Variants in CELSR3 observed in about 807,000 individuals in gnomAD.
The protein encoded by CELSR3 is EGF-like protein 1.
Under a neutral mutation model 270.0 loss-of-function variants are expected in CELSR3, and 73 were observed. The ratio of observed to expected loss-of-function variants is 0.27; its 90% CI spans 0.22 to 0.33. The LOEUF is 0.33. Ranked by LOEUF, CELSR3 falls within the 10% of genes least tolerant of loss-of-function variation. The pLI, the probability that CELSR3 is intolerant of heterozygous loss-of-function variation, is 1.00. For missense variants in CELSR3, 3,614 were observed against 4,533.8 expected, an observed-to-expected ratio of 0.80 and a Z score of 5.83; for synonymous variants, 1,780 against 1,905.4, an observed-to-expected ratio of 0.93 and a Z score of 1.71.
In CELSR3 at chr3:48,653,703, G is replaced by A. The variant is rs2106714338; in HGVS notation, c.5364C>T (p.Tyr1788=). ...GSDMAVSVPW[Y]LGLAFRTRAT... is the part of the protein sequence containing the mutation. Reference sequence around the variant, plus strand: ...CCCGTGTCCGAAATGCCAGCCCCAGGTACCATGGCACAGACACAGCCATGT... The same window carrying A: ...CCCGTGTCCGAAATGCCAGCCCCAGATACCATGGCACAGACACAGCCATGT... The change falls in exon 9 of 35, where the codon TAC becomes TAT. Residue 1788 remains tyrosine (Y), a synonymous_variant. Coordinates refer to ENST00000164024, the MANE Select transcript of CELSR3 (RefSeq NM_001407.3). The surrounding 1 kb of genome is among the most constrained non-coding windows in gnomAD (Gnocchi z 6.5). The A allele has an allele frequency of 6.2e-7, 1 of 1,614,182 alleles. No individual in the cohort carries two copies. The highest frequency in any genetic ancestry group is 1.1e-5 in the South Asian group (1 of 91,090).
At chr3:48,649,292 A>G in intron 16 of CELSR3, 77 bp from the exon 17 acceptor site, 4 of 1,138,602 alleles carry the variant, frequency 3.5e-6, no homozygotes, top group South Asian at 1.3e-5. Context: ...ACCCTCTCCT[A>G]TGCTGGGGGA....
In CELSR3 at chr3:48,659,979, C is replaced by T; in HGVS notation, c.2656G>A (p.Asp886Asn). 1 of 1,614,158 alleles carries T rather than the reference C, an allele frequency of 6.2e-7. No individual in the cohort carries two copies. The highest frequency in any genetic ancestry group is 8.5e-7 in the Non-Finnish European group (1 of 1,180,030). Residue 886 changes from aspartate (D) to asparagine (N), a missense_variant, in exon 1 of 35, where the codon GAC becomes AAC. Transcript: ENST00000164024. This position sits in a 1 kb window ranked among gnomAD's most constrained non-coding sequence, Gnocchi z 8.1. ...GTGATACGAGCATTCTCACCCACGT[C>T]ATCATCAGAGGCACTGATGACCACT... ...TIVVISASDD[D>N]VGENARITYL... is the part of the protein sequence containing the mutation.
chr3:48,646,702 A>T lies in CELSR3; in HGVS notation c.7295+61T>A, dbSNP rs2047087566. On this transcript the variant is annotated intron_variant, in intron 21 of 34. Coordinates refer to ENST00000164024, the MANE Select transcript of CELSR3 (RefSeq NM_001407.3). This position sits in a 1 kb window ranked among gnomAD's most constrained non-coding sequence, Gnocchi z 4.8. ...TTGTGAACCTACGCATCTACCCACC[A>T]AAAAAGGGGCTGCCAGGCTGAGAAG... is the stretch of plus-strand genomic sequence containing the variant. 1 of 1,540,466 alleles carries T rather than the reference A, an allele frequency of 6.5e-7. No individual in the cohort carries two copies. The highest frequency in any genetic ancestry group is 8.8e-7 in the Non-Finnish European group (1 of 1,140,986).
At position 48,661,495 on chromosome 3, in the gene CELSR3, C is replaced by G; in HGVS notation, c.1140G>C (p.Pro380=). 1 of 1,602,216 alleles carries G rather than the reference C, an allele frequency of 6.2e-7. No homozygotes were observed. Among genetic ancestry groups the G allele is most frequent in the Non-Finnish European group, 8.5e-7 (1 of 1,174,322 alleles). The change falls in exon 1 of 35, where the codon CCG becomes CCC. Residue 380 remains proline, a synonymous_variant. Coordinates refer to ENST00000164024, the MANE Select transcript of CELSR3 (RefSeq NM_001407.3). ...CCGCCGTACGGATAAGGCCGCTCTGCGGGTCGATGCTGAACAGCTCCAGCG... is the reference window on the plus strand; with the variant it reads ...CCGCCGTACGGATAAGGCCGCTCTGGGGGTCGATGCTGAACAGCTCCAGCG... ...SRSLELFSID[P]QSGLIRTAAA...
In CELSR3 at chr3:48,658,034, G is replaced by GGTCC. The variant is rs2077035989; in HGVS notation, c.3749-690_3749-687dup. 1.3e-5 allele frequency among the ~76,000 whole-genome samples: 2 copies of GGTCC among 152,108 alleles called. No homozygotes were observed. Among genetic ancestry groups the GGTCC allele is most frequent in the African/African-American group, 4.8e-5 (2 of 41,428 alleles). On this transcript the variant is annotated intron_variant, in intron 1 of 34. Transcript: ENST00000164024. This position sits in a 1 kb window ranked among gnomAD's most constrained non-coding sequence, Gnocchi z 4.7. ...CAGCCTGCTCGCCACTCCAGACCTG[G>GGTCC]GTCCTGTGGTTTCACAGTGACCACC...
chr3:48,654,138 G>T lies in CELSR3; in HGVS notation c.5153-135C>A. On this transcript the variant is annotated intron_variant, in intron 7 of 34. Coordinates refer to ENST00000164024, the MANE Select transcript of CELSR3 (RefSeq NM_001407.3). This position sits in a 1 kb window ranked among gnomAD's most constrained non-coding sequence, Gnocchi z 5.4. The stretch of plus-strand genomic sequence containing the variant: ...ATTTCCCATTTTCTTTCGATGAGTG[G>T]GGTTGGTAAGAGTCAGGCCCTAAAA... The T allele has an allele frequency of 6.7e-7, 1 of 1,494,160 alleles. No individual in the cohort carries two copies. The allele number at this position is 1,494,160 out of a possible 1,614,324, so 92.6% of individuals were successfully genotyped here. A position where few individuals can be genotyped will look rare whatever the true frequency, so the allele number is the denominator to read the frequency against.
Position 48,645,236 on chromosome 3 carries a change from C to G in CELSR3, c.7798-27G>C. 1.3e-6 allele frequency: 2 copies of G among 1,554,248 alleles called. No individual in the cohort carries two copies. The highest frequency in any genetic ancestry group is 1.7e-6 in the Non-Finnish European group (2 of 1,144,066). ...TGAGGGCAGGGGGGCGTGTCAGGAC[C>G]TCTCCTGCCTCACCCACCTCTGACC... On this transcript the variant is annotated intron_variant, in intron 24 of 34. Coordinates refer to ENST00000164024, the MANE Select transcript of CELSR3 (RefSeq NM_001407.3). This position sits in a 1 kb window ranked among gnomAD's most constrained non-coding sequence, Gnocchi z 5.4.
At position 48,640,170 on chromosome 3, in the gene CELSR3, C is replaced by A; in HGVS notation, c.9415G>T (p.Gly3139Trp). ...CCTAAGTCGAGCGCATCCCGTGACCCGAAGCGGCCAGCCATGGCGCCAGGG... is the reference window on the plus strand; with the variant it reads ...CCTAAGTCGAGCGCATCCCGTGACCAGAAGCGGCCAGCCATGGCGCCAGGG... ...DYPGAMAGRFGSRDALDLGAP... is the reference protein window; with the variant it reads ...DYPGAMAGRFWSRDALDLGAP... Residue 3139 changes from glycine (G) to tryptophan (W), a missense_variant, in exon 34 of 35, where the codon GGG becomes TGG. Gly to Trp is a radical substitution (Grantham distance 184). This residue lies in a region of CELSR3 where 1,240 missense variants were observed against 1,351.7 expected (regional missense o/e 0.92). Transcript: ENST00000164024. This position sits in a 1 kb window ranked among gnomAD's most constrained non-coding sequence, Gnocchi z 7.5. 1 of 1,612,666 alleles carries A rather than the reference C, an allele frequency of 6.2e-7. No individual in the cohort carries two copies. The highest frequency in any genetic ancestry group is 1.3e-5 in the African/African-American group (1 of 75,050).
At position 48,650,315 on chromosome 3, in the gene CELSR3, T is replaced by C. The variant is rs1434320071; in HGVS notation, c.6472+165A>G. The stretch of plus-strand genomic sequence containing the variant: ...CTGCCCAGAAGCCAAGAGAAACAGA[T>C]GGAGGCTCAATGAGGGTGTAGGGAG... On this transcript the variant is annotated intron_variant, in intron 16 of 34. Coordinates refer to ENST00000164024, the MANE Select transcript of CELSR3 (RefSeq NM_001407.3). The surrounding 1 kb of genome is among the most constrained non-coding windows in gnomAD (Gnocchi z 5.1). 7.1e-6 allele frequency: 5 copies of C among 708,226 alleles called. No homozygotes were observed. The highest frequency in any genetic ancestry group is 1.8e-5 in the African/African-American group (1 of 57,126). The allele number at this position is 708,226 out of a possible 1,614,324, so 43.9% of individuals were successfully genotyped here. A position where few individuals can be genotyped will look rare whatever the true frequency, so the allele number is the denominator to read the frequency against.
Position 48,662,194 on chromosome 3 carries a change from A to C in CELSR3, c.441T>G (p.Pro147=). Reference sequence around the variant, plus strand: ...CTGGTGACAGACTACCTCTTTGCAAAGGTCCTGTCCGCCCGCAAGAGGAGA... The same window carrying C: ...CTGGTGACAGACTACCTCTTTGCAACGGTCCTGTCCGCCCGCAAGAGGAGA... ...PEVSSCGRTG[P]LQRGSLSPGA... Residue 147 remains proline (P), a synonymous_variant, in exon 1 of 35, where the codon CCT becomes CCG. Transcript: ENST00000164024. The surrounding 1 kb of genome is among the most constrained non-coding windows in gnomAD (Gnocchi z 7.1). 1 of 1,612,578 alleles carries C rather than the reference A, an allele frequency of 6.2e-7. No individual in the cohort carries two copies. Among genetic ancestry groups the C allele is most frequent in the Non-Finnish European group, 8.5e-7 (1 of 1,179,380 alleles).
rs1300745709 is a variant in CELSR3, at chr3:48,655,024, C to T, written c.4988+20G>A. On this transcript the variant is annotated intron_variant, in intron 6 of 34. Coordinates refer to ENST00000164024, the MANE Select transcript of CELSR3 (RefSeq NM_001407.3). This position sits in a 1 kb window ranked among gnomAD's most constrained non-coding sequence, Gnocchi z 5.8. ...CTTTGGTAGGCAGGGGACAAGGGGA[C>T]TAGGGGGCAGGGGCCTCACTTCTTG... 4 of 1,612,670 alleles carry T rather than the reference C, an allele frequency of 2.5e-6. No homozygotes were observed. The highest frequency in any genetic ancestry group is 2.5e-6 in the Non-Finnish European group (3 of 1,179,172).
chr3:48,644,315 T>C lies in CELSR3; in HGVS notation c.8086-20A>G, dbSNP rs766314650. On this transcript the variant is annotated intron_variant, in intron 26 of 34. Coordinates refer to ENST00000164024, the MANE Select transcript of CELSR3 (RefSeq NM_001407.3). The surrounding 1 kb of genome is among the most constrained non-coding windows in gnomAD (Gnocchi z 4.8). The stretch of plus-strand genomic sequence containing the variant: ...GTTCATCTGGACCCACGGCCAGACA[T>C]GTGGGGCCGGGCAGGGCAGAGAGAG... 3 of 1,609,430 alleles carry C rather than the reference T, an allele frequency of 1.9e-6. No individual in the cohort carries two copies. The highest frequency in any genetic ancestry group is 1.7e-5 in the Admixed American group (1 of 59,940).
Position 48,656,193 on chromosome 3 carries a change from C to A in CELSR3, c.4572G>T (p.Ser1524=). ...EVAARSFPPS[S]FVMFRGLRQR... is the part of the protein sequence containing the mutation. ...GCCGCAGGCCGCGAAACATGACGAA[C>A]GAACTGGGCGGGAAGGAGCGCGCAG... The change falls in exon 3 of 35, where the codon TCG becomes TCT. Residue 1524 remains serine (S), a synonymous_variant. Transcript: ENST00000164024. 6.5e-7 allele frequency: 1 copy of A among 1,538,086 alleles called. No homozygotes were observed. Among genetic ancestry groups the A allele is most frequent in the Non-Finnish European group, 8.7e-7 (1 of 1,148,104 alleles).
At position 48,643,565 on chromosome 3, in the gene CELSR3, A is replaced by G. The variant is rs961617674; in HGVS notation, c.8278T>C (p.Cys2760Arg). The change falls in exon 28 of 35, where the codon TGC becomes CGC. Residue 2760 changes from cysteine (C) to arginine (R), a missense_variant. Coordinates refer to ENST00000164024, the MANE Select transcript of CELSR3 (RefSeq NM_001407.3). ...GGCACCAGAGTCACCTGGAGGCCGC[A>G]GAGTCCAGCATGGAGGTAGTGGAAG... Reference protein sequence around the residue: ...LAFHYLHAGLCGLQGLAVLLL... With the variant: ...LAFHYLHAGLRGLQGLAVLLL... 8 of 1,550,654 alleles carry G rather than the reference A, an allele frequency of 5.2e-6. No homozygotes were observed. Among genetic ancestry groups the G allele is most frequent in the South Asian group, 1.2e-5 (1 of 84,044 alleles).
Position 48,662,210 on chromosome 3 carries a change from C to A in CELSR3, c.425G>T (p.Cys142Phe). The A allele has an allele frequency of 1.2e-6, 2 of 1,613,106 alleles. No homozygotes were observed. The highest frequency in any genetic ancestry group is 1.7e-6 in the Non-Finnish European group (2 of 1,179,862). The change falls in exon 1 of 35, where the codon TGC (cysteine) becomes TTC (phenylalanine). Residue 142 changes from cysteine to phenylalanine, a missense_variant. Coordinates refer to ENST00000164024, the MANE Select transcript of CELSR3 (RefSeq NM_001407.3). The surrounding 1 kb of genome is among the most constrained non-coding windows in gnomAD (Gnocchi z 7.1). ...VLYWRPEVSS[C>F]GRTGPLQRGS... Reference sequence around the variant, plus strand: ...TCTTTGCAAAGGTCCTGTCCGCCCGCAAGAGGAGACCTCTGGGCGCCAGTA... The same window carrying A: ...TCTTTGCAAAGGTCCTGTCCGCCCGAAAGAGGAGACCTCTGGGCGCCAGTA...
rs112542917 is a variant in CELSR3 at position 48,640,867 on chromosome 3, A to G, written c.9026-308T>C. ...GAGGGGCAGCCCTCAGGTCCTGACAATGCAGGCCTGGCTGAAATGCAGGAA... is the reference window on the plus strand; with the variant it reads ...GAGGGGCAGCCCTCAGGTCCTGACAGTGCAGGCCTGGCTGAAATGCAGGAA... On this transcript the variant is annotated intron_variant, in intron 33 of 34. Transcript: ENST00000164024. This position sits in a 1 kb window ranked among gnomAD's most constrained non-coding sequence, Gnocchi z 7.5. 2.1e-5 allele frequency: 10 copies of G among 474,230 alleles called. No individual in the cohort carries two copies. Among genetic ancestry groups the G allele is most frequent in the African/African-American group, 1.4e-4 (7 of 50,930 alleles). The allele number at this position is 474,230 out of a possible 1,614,324, so 29.4% of individuals were successfully genotyped here.
Position 48,650,679 on chromosome 3 carries a change from C to A in CELSR3, c.6371-98G>T. The A allele has an allele frequency of 9.0e-7, 1 of 1,114,236 alleles. No individual in the cohort carries two copies. The highest frequency in any genetic ancestry group is 1.3e-6 in the Non-Finnish European group (1 of 780,258). 69.0% of individuals were successfully genotyped at this position (1,114,236 alleles called of 1,614,324 possible). On this transcript the variant is annotated intron_variant, in intron 15 of 34. Coordinates refer to ENST00000164024, the MANE Select transcript of CELSR3 (RefSeq NM_001407.3). This position sits in a 1 kb window ranked among gnomAD's most constrained non-coding sequence, Gnocchi z 5.1. ...CACCACCCCCCACAAGGCCCACTGCCCGCCACTCCTGCTGGCTTCTCAGGA... is the reference window on the plus strand; with the variant it reads ...CACCACCCCCCACAAGGCCCACTGCACGCCACTCCTGCTGGCTTCTCAGGA...
In CELSR3 at chr3:48,651,075, CCT is replaced by C; in HGVS notation, c.6187-2_6187-1del. The C allele has an allele frequency of 6.4e-7, 1 of 1,555,176 alleles. No homozygotes were observed. The highest frequency in any genetic ancestry group is 8.7e-7 in the Non-Finnish European group (1 of 1,150,972). ...CTGCCCCGCGGTCGGTAGTGGAACT[CCT>C]GTTTGAGGATGGGCCAGGGGCCTGA... On this transcript the variant is annotated splice_acceptor_variant, in intron 14 of 34. Transcript: ENST00000164024. LOFTEE classifies it high-confidence loss of function. The surrounding 1 kb of genome is among the most constrained non-coding windows in gnomAD (Gnocchi z 7.4).
rs1206450138 is a variant in CELSR3, at chr3:48,648,447, G to C, written c.6792C>G (p.Ala2264=). The change falls in exon 19 of 35, where the codon GCC becomes GCG. Residue 2264 remains alanine (A), a synonymous_variant. Coordinates refer to ENST00000164024, the MANE Select transcript of CELSR3 (RefSeq NM_001407.3). ...TCTCTGGGGCAAGCAGTGCAGAGCC[G>C]GCCCACAGCAGATTCTGGGAAGACA... The part of the protein sequence containing the change: ...DAHFNENLLW[A]GSALLAPETG... 1 of 1,567,966 alleles carries C rather than the reference G, an allele frequency of 6.4e-7. No homozygotes were observed. The highest frequency in any genetic ancestry group is 8.6e-7 in the Non-Finnish European group (1 of 1,160,000).
Sources: allele counts gnomAD v4.1 joint callset (sites outside exome capture counted in the v4.1 genomes callset), GRCh38; gene constraint gnomAD v4.1.1; regional missense constraint gnomAD v4.1.1; non-coding constraint Gnocchi (gnomAD v3.1); transcripts MANE v1.5; gene names NCBI Gene and HGNC (gene_info 2026-07-23, HGNC 2026-07-21).